The following NRXN3 variants were observed in gnomAD, a reference collection of about 807,000 sequenced individuals.
NRXN3 encodes the protein neurexin 3.
NRXN3 carries 32 observed loss-of-function variants against 137.6 expected under a neutral mutation model. The ratio of observed to expected loss-of-function variants is 0.23; its 90% CI spans 0.18 to 0.31. NRXN3 has a LOEUF of 0.31. Among genes scored for constraint, NRXN3 ranks in the 10% least tolerant of loss-of-function variants. The probability of loss-of-function intolerance (pLI) is 1.00; values close to 1 mark genes in which losing one functional copy is unlikely to be tolerated. For synonymous variants in NRXN3, 798 were observed against 784.5 expected, an observed-to-expected ratio of 1.02 and a Z score of -0.29; for missense variants, 1,574 against 2,062.5, an observed-to-expected ratio of 0.76 and a Z score of 4.59.
intron 4 of NRXN3, among the ~76,000 whole-genome samples, chr14:78,468,498 T>C (rs942089721): frequency 2.0e-5 from 3 of 152,192 alleles, no homozygotes; most frequent in Non-Finnish European, 4.4e-5. Context: ...CACATTCTTA[T>C]GCTGATCACA....
chr14:78,505,748 G>T (rs1400746060), intron 4 of NRXN3, among the ~76,000 whole-genome samples: 1 of 151,976 alleles, frequency 6.6e-6, no homozygotes, highest in Non-Finnish European at 1.5e-5. Flanking sequence ...GGAAAATATG[G>T]CTGTTTTCTC....
At chr14:78,572,004 G>C (rs1026745673) in intron 4 of NRXN3, among the ~76,000 whole-genome samples, 1 of 152,194 alleles carries the variant, frequency 6.6e-6, no homozygotes, top group Admixed American at 6.5e-5. Context: ...TGCCACTTCT[G>C]TCTTCTCCAT....
At chr14:79,430,222 C>T (rs1480850041) in intron 15 of NRXN3, among the ~76,000 whole-genome samples, 1 of 152,158 alleles carries the variant, frequency 6.6e-6, no homozygotes, top group Non-Finnish European at 1.5e-5. Flanking sequence ...TGGGTTGACA[C>T]TTAAGACTGC....
At chr14:79,064,059 T>C in intron 15 of NRXN3, among the ~76,000 whole-genome samples, 1 of 152,204 alleles carries the variant, frequency 6.6e-6, no homozygotes, top group Non-Finnish European at 1.5e-5. Context: ...GATGAATTCC[T>C]AAATAATTAA....
At chr14:79,002,851 C>T (rs2099544518) in intron 15 of NRXN3, among the ~76,000 whole-genome samples, 1 of 152,120 alleles carries the variant, frequency 6.6e-6, no homozygotes, top group South Asian at 2.1e-4. Context: ...AAACGTGTTC[C>T]TGTTTCTCCA....
intron 15 of NRXN3, among the ~76,000 whole-genome samples, chr14:79,023,628 G>T (rs1231250226): frequency 6.6e-6 from 1 of 152,080 alleles, no homozygotes; most frequent in African/African-American, 2.4e-5. Flanking sequence ...GAAAGCCTCA[G>T]GAAACTTACA....
At chr14:79,596,718 G>T (rs2097862181) in intron 16 of NRXN3, among the ~76,000 whole-genome samples, 1 of 152,056 alleles carries the variant, frequency 6.6e-6, no homozygotes, top group Non-Finnish European at 1.5e-5. Context: ...AGTTATCCTG[G>T]GGCTGACCTG....
At chr14:79,719,249 ATATGTG>A (rs1296926347) in intron 19 of NRXN3, among the ~76,000 whole-genome samples, 1 of 51,752 alleles carries the variant, frequency 1.9e-5, no homozygotes, top group African/African-American at 5.5e-5. Context: ...TCATAGACAT[ATATGTG>A]TGTGTGTGTG....
rs560943817 is a variant in NRXN3 at position 79,393,561 on chromosome 14, G to C, written c.3263-73660G>C. On this transcript the variant is annotated intron_variant, in intron 15 of 20. Transcript: ENST00000335750. Reference sequence around the variant, plus strand: ...AAAGCACATATTGATTAAAACAAAAGTTATACACTTTGGGAGGCCGAGGCG... The same window carrying C: ...AAAGCACATATTGATTAAAACAAAACTTATACACTTTGGGAGGCCGAGGCG... Among the ~76,000 whole-genome samples the C allele has an allele frequency of 7.0e-4, 106 of 152,222 alleles. 1 individual carries two copies. The highest frequency in any genetic ancestry group is 1.1e-3 in the Non-Finnish European group (74 of 68,008).
At chr14:78,278,423 C>T (rs2073923495) in intron 2 of NRXN3, among the ~76,000 whole-genome samples, 1 of 152,130 alleles carries the variant, frequency 6.6e-6, no homozygotes. Context: ...TTGCTACATG[C>T]AAAGTGAAAA....
At chr14:78,891,701 G>C (rs1015569522) in intron 10 of NRXN3, among the ~76,000 whole-genome samples, 3 of 151,926 alleles carry the variant, frequency 2.0e-5, no homozygotes, top group African/African-American at 7.2e-5. Context: ...ATGGATCATA[G>C]CATATTCATA....
intron 4 of NRXN3, among the ~76,000 whole-genome samples, chr14:78,620,551 G>C (rs1370457963): frequency 6.6e-6 from 1 of 152,332 alleles, no homozygotes; most frequent in East Asian, 1.9e-4. Flanking sequence ...GACAAAACAG[G>C]CAGACCCTCA....
intron 15 of NRXN3, among the ~76,000 whole-genome samples, chr14:79,026,310 T>G (rs958214533): frequency 6.6e-6 from 1 of 152,158 alleles, no homozygotes; most frequent in Non-Finnish European, 1.5e-5. Flanking sequence ...CTTGTAGTCT[T>G]GAGTAAGTGA....
At chr14:79,472,310 G>A (rs1015949381) in intron 16 of NRXN3, among the ~76,000 whole-genome samples, 1 of 151,980 alleles carries the variant, frequency 6.6e-6, no homozygotes, top group Non-Finnish European at 1.5e-5. Flanking sequence ...CCACTCATCT[G>A]GGCCTTATAA....
intron 19 of NRXN3, among the ~76,000 whole-genome samples, chr14:79,796,993 C>T (rs986777589): frequency 6.6e-6 from 1 of 152,136 alleles, no homozygotes; most frequent in African/African-American, 2.4e-5. Flanking sequence ...TCTATAAAGT[C>T]CATGAGGACA....
chr14:79,123,834 G>A (rs1345237856), intron 15 of NRXN3, among the ~76,000 whole-genome samples: 6 of 152,108 alleles, frequency 3.9e-5, no homozygotes, highest in Non-Finnish European at 8.8e-5. Context: ...TTGTGGTTGG[G>A]GAAAGATGCA....
At chr14:79,135,477 T>C (rs2058120847) in intron 15 of NRXN3, among the ~76,000 whole-genome samples, 1 of 152,202 alleles carries the variant, frequency 6.6e-6, no homozygotes, top group African/African-American at 2.4e-5. Context: ...ATCCCTGTCC[T>C]CTATGGGCTT....
At chr14:78,692,818 C>G (rs150276767) in intron 6 of NRXN3, among the ~76,000 whole-genome samples, 1 of 152,202 alleles carries the variant, frequency 6.6e-6, no homozygotes, top group Non-Finnish European at 1.5e-5. Context: ...CAGTGGCTCA[C>G]GCCTGTAATC....
At chr14:79,128,110 T>C (rs2152949355) in intron 15 of NRXN3, among the ~76,000 whole-genome samples, 1 of 149,740 alleles carries the variant, frequency 6.7e-6, no homozygotes, top group African/African-American at 2.5e-5. Context: ...TATACAATCA[T>C]GTCATCTGCA....
Sources: allele counts gnomAD v4.1 joint callset (sites outside exome capture counted in the v4.1 genomes callset), GRCh38; gene constraint gnomAD v4.1.1; transcripts MANE v1.5; gene names NCBI Gene and HGNC (gene_info 2026-07-23, HGNC 2026-07-21).